Variants in EDIL3 observed in about 807,000 individuals in gnomAD.
The protein encoded by EDIL3 is EGF-like repeat and discoidin I-like domain-containing protein 3.
EDIL3 carries 37 observed loss-of-function variants against 67.4 expected under a neutral mutation model. The observed-to-expected ratio is 0.55, with a 90% CI of 0.42 to 0.72. The LOEUF is 0.72. Ranked by LOEUF, EDIL3 falls within the 30% of genes least tolerant of loss-of-function variation. The probability of loss-of-function intolerance (pLI) is 0.00; values close to 1 mark genes in which losing one functional copy is unlikely to be tolerated. For synonymous variants in EDIL3, 195 were observed against 196.3 expected (o/e 0.99, Z 0.05); for missense variants, 527 against 586.3 (o/e 0.90, Z 1.04).
At chr5:84,177,546 T>C (rs1309475680) in intron 4 of EDIL3, among the ~76,000 whole-genome samples, 2 of 152,136 alleles carry the variant, frequency 1.3e-5, no homozygotes, top group Non-Finnish European at 2.9e-5. Flanking sequence ...CACAGAACTA[T>C]ACAATACAAA....
At chr5:83,964,237 TATA>T (rs1381005337) in intron 9 of EDIL3, among the ~76,000 whole-genome samples, 3 of 151,976 alleles carry the variant, frequency 2.0e-5, no homozygotes, top group Admixed American at 1.3e-4. Context: ...TCACATCTTA[TATA>T]ATGTTAATTT....
chr5:84,123,161 A>C (rs1417770656), intron 5 of EDIL3, among the ~76,000 whole-genome samples: 3 of 151,970 alleles, frequency 2.0e-5, no homozygotes, highest in African/African-American at 7.2e-5. Context: ...CCTCAGGATA[A>C]ATTGTGGAGG....
chr5:84,176,563 C>A (rs112641728), intron 4 of EDIL3, among the ~76,000 whole-genome samples: 6 of 151,402 alleles, frequency 4.0e-5, no homozygotes, highest in African/African-American at 1.2e-4. Context: ...GAAGAAATAA[C>A]CTTTCTCTAT....
intron 6 of EDIL3, among the ~76,000 whole-genome samples, chr5:84,067,016 C>A (rs189556953): frequency 2.0e-5 from 3 of 152,248 alleles, no homozygotes; most frequent in African/African-American, 7.2e-5. Flanking sequence ...ATTTAAGCTT[C>A]TAGAAATTTC....
intron 4 of EDIL3, among the ~76,000 whole-genome samples, chr5:84,162,330 C>T (rs1748628512): frequency 6.6e-6 from 1 of 152,062 alleles, no homozygotes; most frequent in Admixed American, 6.6e-5. Flanking sequence ...ACAAGGGGTC[C>T]CTCCTGGCAG....
At chr5:84,071,777 G>C (rs1313333196) in intron 6 of EDIL3, among the ~76,000 whole-genome samples, 1 of 152,150 alleles carries the variant, frequency 6.6e-6, no homozygotes, top group Non-Finnish European at 1.5e-5. Context: ...CTGCAAGTTT[G>C]CTTAATAGAA....
chr5:84,125,164 G>A (rs755636407), intron 5 of EDIL3, among the ~76,000 whole-genome samples: 9 of 151,974 alleles, frequency 5.9e-5, no homozygotes, highest in Admixed American at 6.6e-5. Flanking sequence ...TCGTAATGTG[G>A]TTAACATACA....
chr5:84,222,288 G>A (rs1236593007), intron 3 of EDIL3, among the ~76,000 whole-genome samples: 1 of 151,712 alleles, frequency 6.6e-6, no homozygotes, highest in Non-Finnish European at 1.5e-5. Context: ...CTTTACTACT[G>A]CTAGCCCATA....
chr5:84,144,859 TA>T (rs1748265820), intron 4 of EDIL3, among the ~76,000 whole-genome samples: 2 of 151,240 alleles, frequency 1.3e-5, no homozygotes, highest in South Asian at 4.1e-4. Flanking sequence ...TCAATCTTAA[TA>T]ATCAACCATT....
At chr5:84,183,375 A>G (rs1054917393) in intron 3 of EDIL3, among the ~76,000 whole-genome samples, 9 of 152,162 alleles carry the variant, frequency 5.9e-5, no homozygotes, top group Admixed American at 4.6e-4. Context: ...TGACTCATCA[A>G]TTCACTTCAA....
intron 1 of EDIL3, among the ~76,000 whole-genome samples, chr5:84,270,601 C>T (rs910033353): frequency 6.6e-5 from 10 of 152,084 alleles, no homozygotes; most frequent in African/African-American, 2.2e-4. Context: ...TTTGCTTTAA[C>T]GAACACCAAC....
rs35819051 is a variant in EDIL3 at position 84,180,012 on chromosome 5, T to TG, written c.355+380_355+381insC. On this transcript the variant is annotated intron_variant, in intron 4 of 10. Coordinates refer to ENST00000296591, the MANE Select transcript of EDIL3 (RefSeq NM_005711.5). Reference sequence around the variant, plus strand: ...AGGGTGGCAGTTTTGTGTTTTGTTTTTTTTTTTCTGGGTATCATCTCTGAA... The same window carrying TG: ...AGGGTGGCAGTTTTGTGTTTTGTTTTGTTTTTTTCTGGGTATCATCTCTGAA... Among the ~76,000 whole-genome samples the TG allele has an allele frequency of 9.9e-3, 1,499 of 151,530 alleles. 21 individuals are homozygous for TG. The highest frequency in any genetic ancestry group is 0.03 in the African/African-American group (1,220 of 41,344).
chr5:84,278,526 G>A (rs1272533860), intron 1 of EDIL3, among the ~76,000 whole-genome samples: 2 of 152,082 alleles, frequency 1.3e-5, no homozygotes, highest in African/African-American at 4.8e-5. Flanking sequence ...AAATCAGCAT[G>A]TTGAGGACCT....
chr5:83,957,747 A>G (rs949957788), intron 10 of EDIL3, among the ~76,000 whole-genome samples: 1 of 151,762 alleles, frequency 6.6e-6, no homozygotes, highest in Non-Finnish European at 1.5e-5. Context: ...TTGTTTTATC[A>G]AATAATATAC....
At chr5:84,160,819 CCCTTT>C (rs1748598753) in intron 4 of EDIL3, among the ~76,000 whole-genome samples, 1 of 69,128 alleles carries the variant, frequency 1.4e-5, no homozygotes, top group East Asian at 4.1e-4. Context: ...CCTTTCCTTT[CCCTTT>C]CCTTTTCCTT....
intron 6 of EDIL3, among the ~76,000 whole-genome samples, chr5:84,099,788 C>T (rs573154811): frequency 6.6e-6 from 1 of 151,952 alleles, no homozygotes; most frequent in Non-Finnish European, 1.5e-5. Flanking sequence ...TCAGAGTGAA[C>T]AGGAAACCTA....
intron 10 of EDIL3, among the ~76,000 whole-genome samples, chr5:83,956,455 C>T (rs1744515636): frequency 6.6e-6 from 1 of 151,728 alleles, no homozygotes; most frequent in South Asian, 2.1e-4. Flanking sequence ...ACCTTAACAA[C>T]TGCTATCACA....
At chr5:83,975,839 G>T (rs555073623) in intron 9 of EDIL3, among the ~76,000 whole-genome samples, 6 of 151,836 alleles carry the variant, frequency 4.0e-5, no homozygotes, top group African/African-American at 1.4e-4. Flanking sequence ...CAACATGGAG[G>T]CATCAGAACA....
chr5:84,043,943 A>T (rs368379402), intron 9 of EDIL3, among the ~76,000 whole-genome samples: 2 of 152,062 alleles, frequency 1.3e-5, no homozygotes, highest in African/African-American at 4.8e-5. Flanking sequence ...CAGAATGTGC[A>T]GGTTTGTAAC....
Sources: allele counts gnomAD v4.1 joint callset (sites outside exome capture counted in the v4.1 genomes callset), GRCh38; gene constraint gnomAD v4.1.1; transcripts MANE v1.5; gene names NCBI Gene and HGNC (gene_info 2026-07-23, HGNC 2026-07-21).